CACNG2: variants seen among roughly 807,000 people sequenced by gnomAD.
CACNG2 encodes calcium voltage-gated channel auxiliary subunit gamma 2.
A neutral mutation model predicts 25.9 loss-of-function variants in CACNG2; 3 were observed. The ratio of observed to expected loss-of-function variants is 0.12; its 90% CI spans 0.05 to 0.30. The LOEUF (loss-of-function observed/expected upper bound fraction) is 0.30, where lower values mean the gene tolerates loss of function less well. Ranked by LOEUF, CACNG2 falls within the 10% of genes least tolerant of loss-of-function variation. The pLI, the probability that CACNG2 is intolerant of heterozygous loss-of-function variation, is 1.00. For synonymous variants in CACNG2, 167 were observed against 173.3 expected (o/e 0.96, Z 0.29); for missense variants, 341 against 432.5 (o/e 0.79, Z 1.88).
At chr22:36,675,280 A>G (rs373185428) in intron 1 of CACNG2, among the ~76,000 whole-genome samples, 1 of 152,090 alleles carries the variant, frequency 6.6e-6, no homozygotes, top group East Asian at 1.9e-4. Flanking sequence ...CTTGGACACA[A>G]GCGATCTTCC....
intron 1 of CACNG2, among the ~76,000 whole-genome samples, chr22:36,696,306 C>CCT (rs1323986373): frequency 1.3e-5 from 2 of 152,068 alleles, no homozygotes; most frequent in Admixed American, 6.6e-5. Context: ...AGTCTCTCTT[C>CCT]CTCTCTCTCT....
Position 36,702,632 on chromosome 22 carries a change from G to T in CACNG2, c.-56C>A. 7.1e-7 allele frequency: 1 copy of T among 1,405,502 alleles called. No individual in the cohort carries two copies. Among genetic ancestry groups the T allele is most frequent in the Non-Finnish European group, 1.0e-6 (1 of 989,938 alleles). 87.1% of individuals were successfully genotyped at this position (1,405,502 alleles called of 1,614,324 possible). A position where few individuals can be genotyped will look rare whatever the true frequency, so the allele number is the denominator to read the frequency against. On this transcript the variant is annotated 5_prime_UTR_variant, in exon 1 of 4. Coordinates refer to ENST00000300105, the MANE Select transcript of CACNG2 (RefSeq NM_006078.5). ...TTCTGGTTCTCGGGAGAGTGTGTGT[G>T]AGGGTGCAAGTACTAAAGCCAAAAA... is the stretch of plus-strand genomic sequence containing the variant.
intron 1 of CACNG2, among the ~76,000 whole-genome samples, chr22:36,644,700 T>TAAA (rs1936492462): frequency 6.6e-6 from 1 of 152,198 alleles, no homozygotes; most frequent in Non-Finnish European, 1.5e-5. Context: ...ATAATAATAA[T>TAAA]AAAAAATAAT....
At chr22:36,611,299 T>G (rs552387748) in intron 1 of CACNG2, among the ~76,000 whole-genome samples, 16 of 152,270 alleles carry the variant, frequency 1.1e-4, no homozygotes, top group Admixed American at 7.8e-4. Context: ...ATTCTGTGCT[T>G]GGAACTCTGC....
At chr22:36,567,655 C>G (rs953087062) in intron 2 of CACNG2, among the ~76,000 whole-genome samples, 1 of 152,012 alleles carries the variant, frequency 6.6e-6, no homozygotes, top group Non-Finnish European at 1.5e-5. Context: ...GTGGGGGGAG[C>G]AGCACCTGAA....
chr22:36,569,237 T>C (rs1569488), intron 2 of CACNG2, among the ~76,000 whole-genome samples: 84,688 of 152,012 alleles, frequency 0.56, 26,260 homozygotes, highest in African/African-American at 0.84. Flanking sequence ...CTCATAACAG[T>C]CCGGCAGGGT....
At chr22:36,580,270 G>A (rs1030679660) in intron 2 of CACNG2, among the ~76,000 whole-genome samples, 10 of 151,972 alleles carry the variant, frequency 6.6e-5, no homozygotes, top group African/African-American at 2.2e-4. Flanking sequence ...CCCCCCAGAC[G>A]GCCATCGTAT....
At chr22:36,575,855 C>T (rs1935304025) in intron 2 of CACNG2, among the ~76,000 whole-genome samples, 1 of 152,206 alleles carries the variant, frequency 6.6e-6, no homozygotes, top group African/African-American at 2.4e-5. Flanking sequence ...GTGTTATGCT[C>T]TTATCCCATC....
intron 1 of CACNG2, among the ~76,000 whole-genome samples, chr22:36,636,355 C>T (rs1228105361): frequency 6.6e-6 from 1 of 152,130 alleles, no homozygotes; most frequent in Non-Finnish European, 1.5e-5. Context: ...ATCCGTTTCT[C>T]ATAGACTCAA....
At chr22:36,635,695 A>G (rs1167079245) in intron 1 of CACNG2, among the ~76,000 whole-genome samples, 1 of 151,950 alleles carries the variant, frequency 6.6e-6, no homozygotes, top group East Asian at 1.9e-4. Context: ...CCAACTCCCT[A>G]CATGTTGTTG....
At chr22:36,592,545 T>C (rs1935612914) in intron 1 of CACNG2, among the ~76,000 whole-genome samples, 1 of 152,216 alleles carries the variant, frequency 6.6e-6, no homozygotes, top group African/African-American at 2.4e-5. Flanking sequence ...TTGTTTTCTA[T>C]ATACATCGAG....
chr22:36,668,697 T>C (rs1221111243), intron 1 of CACNG2, among the ~76,000 whole-genome samples: 7 of 152,098 alleles, frequency 4.6e-5, no homozygotes, highest in Admixed American at 4.6e-4. Context: ...GGCTTTACCA[T>C]GTTGCCCAGG....
At chr22:36,680,908 C>CCAG (rs1359000917) in intron 1 of CACNG2, among the ~76,000 whole-genome samples, 2 of 151,818 alleles carry the variant, frequency 1.3e-5, no homozygotes, top group African/African-American at 4.8e-5. Flanking sequence ...ATCACCACCA[C>CCAG]CAGCAGCACA....
At chr22:36,700,034 TG>T (rs780588445) in intron 1 of CACNG2, among the ~76,000 whole-genome samples, 3 of 151,934 alleles carry the variant, frequency 2.0e-5, no homozygotes, top group Admixed American at 1.3e-4. Flanking sequence ...TGGCTACAAG[TG>T]GAAAGGGAGT....
At chr22:36,575,612 A>C (rs1935300125) in intron 2 of CACNG2, among the ~76,000 whole-genome samples, 1 of 152,114 alleles carries the variant, frequency 6.6e-6, no homozygotes, top group African/African-American at 2.4e-5. Context: ...GGACCTGAGC[A>C]TGTGCTATTC....
chr22:36,667,247 C>T (rs1044675806), intron 1 of CACNG2, among the ~76,000 whole-genome samples: 1 of 152,190 alleles, frequency 6.6e-6, no homozygotes, highest in Non-Finnish European at 1.5e-5. Flanking sequence ...GCAGCTGCGT[C>T]CAGCTGGGAT....
chr22:36,693,269 CTAGCACATAGTAT>C (rs1937290186), intron 1 of CACNG2, among the ~76,000 whole-genome samples: 1 of 152,174 alleles, frequency 6.6e-6, no homozygotes, highest in Non-Finnish European at 1.5e-5. Flanking sequence ...ATGGGAGGGA[CTAGCACATAGTAT>C]GTGTTCAGTC....
chr22:36,696,491 G>C (rs1207498583), intron 1 of CACNG2, among the ~76,000 whole-genome samples: 1 of 152,176 alleles, frequency 6.6e-6, no homozygotes, highest in Non-Finnish European at 1.5e-5. Flanking sequence ...CACCCTTTCT[G>C]AACACCCACA....
intron 1 of CACNG2, among the ~76,000 whole-genome samples, chr22:36,671,532 G>T (rs962328528): frequency 1.3e-5 from 2 of 152,180 alleles, no homozygotes; most frequent in Admixed American, 6.5e-5. Flanking sequence ...AGCCGAGAGA[G>T]GCTCGAAACA....
Sources: allele counts gnomAD v4.1 joint callset (sites outside exome capture counted in the v4.1 genomes callset), GRCh38; gene constraint gnomAD v4.1.1; transcripts MANE v1.5; gene names NCBI Gene and HGNC (gene_info 2026-07-23, HGNC 2026-07-21).